The following ETV1 variants were observed in gnomAD, a reference collection of about 807,000 sequenced individuals.
ETV1 encodes ETS variant transcription factor 1.
A neutral mutation model predicts 62.3 loss-of-function variants in ETV1; 27 were observed. The ratio of observed to expected loss-of-function variants is 0.43; its 90% CI spans 0.32 to 0.60. The LOEUF (loss-of-function observed/expected upper bound fraction) is 0.60, where lower values mean the gene tolerates loss of function less well. ETV1 is among the 20% of genes least tolerant of loss of function. The pLI, the probability that ETV1 is intolerant of heterozygous loss-of-function variation, is 0.06. For missense variants in ETV1, 605 were observed against 605.8 expected, an observed-to-expected ratio of 1.00 and a Z score of 0.01; for synonymous variants, 222 against 199.6, an observed-to-expected ratio of 1.11 and a Z score of -0.94.
intron 6 of ETV1, among the ~76,000 whole-genome samples, chr7:13,968,738 C>A (rs1014250117): frequency 6.6e-6 from 1 of 151,846 alleles, no homozygotes; most frequent in Non-Finnish European, 1.5e-5. Flanking sequence ...TTTCTCTTTT[C>A]CTTCTGGCAC....
intron 6 of ETV1, among the ~76,000 whole-genome samples, chr7:13,961,359 A>C (rs1790147373): frequency 6.6e-6 from 1 of 152,132 alleles, no homozygotes; most frequent in South Asian, 2.1e-4. Flanking sequence ...GGGCTTCAAG[A>C]GGACCATTTT....
intron 11 of ETV1, among the ~76,000 whole-genome samples, chr7:13,907,428 T>C (rs1386044176): frequency 1.3e-5 from 2 of 152,178 alleles, no homozygotes; most frequent in Non-Finnish European, 2.9e-5. Context: ...AAAAAGTTTG[T>C]GTTATATTTA....
At chr7:13,978,776 A>C (rs774046936) in intron 5 of ETV1, among the ~76,000 whole-genome samples, 1 of 152,046 alleles carries the variant, frequency 6.6e-6, no homozygotes, top group African/African-American at 2.4e-5. Context: ...TATTAGTTTA[A>C]TATTATTCTT....
At chr7:13,916,359 CA>C (rs1784153365) in intron 9 of ETV1, among the ~76,000 whole-genome samples, 2 of 152,208 alleles carry the variant, frequency 1.3e-5, no homozygotes, top group Admixed American at 1.3e-4. Context: ...AAGTAGAGGT[CA>C]GACGTGGTGG....
Position 13,892,307 on chromosome 7 carries a change from T to G in ETV1, c.*3559A>C, listed in dbSNP as rs1435088321. On this transcript the variant is annotated 3_prime_UTR_variant, in exon 14 of 14. Coordinates refer to ENST00000430479, the MANE Select transcript of ETV1 (RefSeq NM_004956.5). ...GTTTTCCTGGGGGCTGGGGAAGGAT[T>G]TGAATAATCTAAAGGCTTGATGTGA... is the stretch of plus-strand genomic sequence containing the variant. 2 of 232,654 alleles carry G rather than the reference T, an allele frequency of 8.6e-6. No individual in the cohort carries two copies. Among genetic ancestry groups the G allele is most frequent in the Non-Finnish European group, 1.7e-5 (2 of 117,826 alleles). 14.4% of individuals were successfully genotyped at this position (232,654 alleles called of 1,614,324 possible). A position where few individuals can be genotyped will look rare whatever the true frequency, so the allele number is the denominator to read the frequency against.
Position 13,988,057 on chromosome 7 carries a change from T to A in ETV1, c.133+29A>T, listed in dbSNP as rs375810861. 6.8e-5 allele frequency: 92 copies of A among 1,356,784 alleles called. 1 individual carries two copies. The highest frequency in any genetic ancestry group is 9.6e-5 in the Non-Finnish European group (91 of 945,480). 84.0% of individuals were successfully genotyped at this position (1,356,784 alleles called of 1,614,324 possible). On this transcript the variant is annotated intron_variant, in intron 4 of 13. Coordinates refer to ENST00000430479, the MANE Select transcript of ETV1 (RefSeq NM_004956.5). The stretch of plus-strand genomic sequence containing the variant: ...AGGGTGGAGAGTGTAGGTAAAAAAA[T>A]GGGGATTCAGCCCAAAATCAAACCT...
upstream of ETV1, among the ~76,000 whole-genome samples, chr7:13,990,925 A>G (rs1782974260): frequency 6.6e-6 from 1 of 152,188 alleles, no homozygotes; most frequent in South Asian, 2.1e-4. Flanking sequence ...AACGTTATGG[A>G]GACACATTAA....
chr7:13,910,681 T>C (rs898984879), intron 10 of ETV1, among the ~76,000 whole-genome samples: 2 of 152,196 alleles, frequency 1.3e-5, no homozygotes, highest in Non-Finnish European at 2.9e-5. Context: ...GACGAAATCA[T>C]TTTTACCATT....
rs1786748305 is a variant in ETV1, at chr7:13,935,845, T to G, written c.417A>C (p.Thr139=). 6.2e-7 allele frequency: 1 copy of G among 1,613,674 alleles called. No individual in the cohort carries two copies. Among genetic ancestry groups the G allele is most frequent in the African/African-American group, 1.3e-5 (1 of 74,864 alleles). The change falls in exon 8 of 14, where the codon ACA becomes ACC. Residue 139 remains threonine, a synonymous_variant. Coordinates refer to ENST00000430479, the MANE Select transcript of ETV1 (RefSeq NM_004956.5). The stretch of plus-strand genomic sequence containing the variant: ...GTGGGGACACTGGCGTGCTGGATGG[T>G]GTGGGGGGGTTGGAGGGCCTCATTC... ...QVGMRPSNPP[T]PSSTPVSPLH...
chr7:13,901,896 T>G (rs906475547), intron 12 of ETV1, among the ~76,000 whole-genome samples: 2 of 152,184 alleles, frequency 1.3e-5, no homozygotes, highest in African/African-American at 4.8e-5. Flanking sequence ...ATTATGTGGC[T>G]TTGGAGGAGC....
At chr7:13,902,681 A>G (rs1289876298) in intron 12 of ETV1, among the ~76,000 whole-genome samples, 1 of 152,182 alleles carries the variant, frequency 6.6e-6, no homozygotes, top group Non-Finnish European at 1.5e-5. Flanking sequence ...GTATCTCCTT[A>G]AACAATAATT....
At chr7:13,981,287 C>T (rs138788500) in intron 5 of ETV1, among the ~76,000 whole-genome samples, 1 of 152,204 alleles carries the variant, frequency 6.6e-6, no homozygotes, top group Admixed American at 6.5e-5. Context: ...TTCCTCAAGA[C>T]AAGCAGGCAG....
chr7:13,949,879 T>C (rs557419751), intron 6 of ETV1, among the ~76,000 whole-genome samples: 2 of 152,144 alleles, frequency 1.3e-5, no homozygotes, highest in Non-Finnish European at 2.9e-5. Flanking sequence ...GCACAGCAAG[T>C]TGATATGTAT....
In ETV1 at chr7:13,938,993, C is replaced by A; in HGVS notation, c.365+124G>T. 6.8e-6 allele frequency: 6 copies of A among 884,300 alleles called. No individual in the cohort carries two copies. The South Asian group carries it at 9.5e-5, about 14-fold the overall frequency. 54.8% of individuals were successfully genotyped at this position (884,300 alleles called of 1,614,324 possible). A position where few individuals can be genotyped will look rare whatever the true frequency, so the allele number is the denominator to read the frequency against. On this transcript the variant is annotated intron_variant, in intron 7 of 13. Coordinates refer to ENST00000430479, the MANE Select transcript of ETV1 (RefSeq NM_004956.5). ...CTTTAGAGTTCTGCTAAATGCATTACCTAATTAGCTTGTTACATATTAAAG... is the reference window on the plus strand; with the variant it reads ...CTTTAGAGTTCTGCTAAATGCATTAACTAATTAGCTTGTTACATATTAAAG...
rs2128394858 is a variant in ETV1, at chr7:13,892,141, C to T, written c.*3725G>A. On this transcript the variant is annotated 3_prime_UTR_variant, in exon 14 of 14. Transcript: ENST00000430479. ...GTTCTTACCTAATAAGTAATAATCACTAGCAAATGATAAGATCACATAGTA... is the reference window on the plus strand; with the variant it reads ...GTTCTTACCTAATAAGTAATAATCATTAGCAAATGATAAGATCACATAGTA... 8.6e-6 allele frequency: 2 copies of T among 232,328 alleles called. No homozygotes were observed. The highest frequency in any genetic ancestry group is 1.1e-4 in the Admixed American group (2 of 17,768). 14.4% of individuals were successfully genotyped at this position (232,328 alleles called of 1,614,324 possible). A position where few individuals can be genotyped will look rare whatever the true frequency, so the allele number is the denominator to read the frequency against.
chr7:13,932,897 T>G (rs997881597), intron 8 of ETV1, among the ~76,000 whole-genome samples: 3 of 152,212 alleles, frequency 2.0e-5, no homozygotes, highest in Non-Finnish European at 4.4e-5. Flanking sequence ...AAGCGATTGC[T>G]TTAGCATTTC....
At chr7:13,940,561 A>C (rs148287070) in intron 6 of ETV1, among the ~76,000 whole-genome samples, 105 of 152,276 alleles carry the variant, frequency 6.9e-4, no homozygotes, top group African/African-American at 2.5e-3. Context: ...CACAGGTATG[A>C]ATAGTCAAGG....
chr7:13,918,807 T>C lies in ETV1; in HGVS notation c.803-7500A>G, dbSNP rs1162200699. Among the ~76,000 whole-genome samples, 2 of 149,156 alleles carry C rather than the reference T, an allele frequency of 1.3e-5. 1 individual carries two copies. The highest frequency in any genetic ancestry group is 3.0e-5 in the Non-Finnish European group (2 of 67,794). ...AGTTAGTGGGTGCAGCGCACCAGCA[T>C]GGCACATGTATACATATGTAACTAA... On this transcript the variant is annotated intron_variant, in intron 9 of 13. Coordinates refer to ENST00000430479, the MANE Select transcript of ETV1 (RefSeq NM_004956.5).
intron 6 of ETV1, among the ~76,000 whole-genome samples, chr7:13,972,338 AG>A (rs909219819): frequency 6.6e-6 from 1 of 151,876 alleles, no homozygotes; most frequent in Non-Finnish European, 1.5e-5. Flanking sequence ...AGGCTGAAGT[AG>A]GGTAGACTGC....
Sources: gnomAD v4.1 joint callset for allele counts (sites outside exome capture counted in the v4.1 genomes callset) on GRCh38, gnomAD v4.1.1 for gene constraint, MANE v1.5 for transcripts, NCBI Gene and HGNC (gene_info 2026-07-23, HGNC 2026-07-21) for gene names.